Variants in SLC2A13 observed in about 807,000 individuals in gnomAD.
SLC2A13 encodes proton myo-inositol cotransporter.
In SLC2A13, 32 loss-of-function variants were observed where a neutral mutation model predicts 64.4. That is an observed-to-expected ratio of 0.50 (90% confidence interval 0.37 to 0.67). SLC2A13 has a LOEUF of 0.67. Among genes scored for constraint, SLC2A13 ranks in the 30% least tolerant of loss-of-function variants. The pLI is 0.00. For missense variants in SLC2A13, 743 were observed against 829.2 expected (o/e 0.90, Z 1.28); for synonymous variants, 338 against 327.1 (o/e 1.03, Z -0.36).
chr12:39,989,101 C>T (rs1947087027), intron 3 of SLC2A13, among the ~76,000 whole-genome samples: 1 of 152,132 alleles, frequency 6.6e-6, no homozygotes, highest in Non-Finnish European at 1.5e-5. Context: ...CCTTCAGTGG[C>T]TTCCCTTCTC....
chr12:39,819,608 T>A (rs1203009821), intron 7 of SLC2A13: 1 of 151,958 alleles, frequency 6.6e-6, no homozygotes, highest in Non-Finnish European at 1.5e-5. Context: ...ACACTGCAAA[T>A]ACTTTTTTTT....
chr12:39,817,039 A>G (rs1303423506), intron 7 of SLC2A13, among the ~76,000 whole-genome samples: 1 of 151,202 alleles, frequency 6.6e-6, no homozygotes, highest in African/African-American at 2.4e-5. Flanking sequence ...CCTTGAGGGA[A>G]AAAAAAAATA....
chr12:40,006,991 T>G (rs570302903), intron 3 of SLC2A13, among the ~76,000 whole-genome samples: 1 of 152,368 alleles, frequency 6.6e-6, no homozygotes, highest in South Asian at 2.1e-4. Context: ...AATGGGTCAC[T>G]AATCAGTTTA....
chr12:40,039,349 G>A (rs1243536043), intron 2 of SLC2A13, among the ~76,000 whole-genome samples: 1 of 152,098 alleles, frequency 6.6e-6, no homozygotes, highest in Non-Finnish European at 1.5e-5. Flanking sequence ...AGACAATGTA[G>A]ATCTGTGCCA....
chr12:40,072,245 T>C (rs1937988661), intron 1 of SLC2A13, among the ~76,000 whole-genome samples: 1 of 152,134 alleles, frequency 6.6e-6, no homozygotes, highest in South Asian at 2.1e-4. Flanking sequence ...TTTAATTCCA[T>C]TGTAGCCTAA....
intron 7 of SLC2A13, among the ~76,000 whole-genome samples, chr12:39,768,516 A>C (rs1257222510): frequency 6.6e-6 from 1 of 152,098 alleles, no homozygotes; most frequent in Non-Finnish European, 1.5e-5. Context: ...GAGTCGTGCT[A>C]CTATTCCTAT....
chr12:39,999,296 G>A (rs28740219), intron 3 of SLC2A13, among the ~76,000 whole-genome samples: 1,620 of 152,274 alleles, frequency 0.011, 31 homozygotes, highest in African/African-American at 0.037. Context: ...CTGACTGCCC[G>A]CGGGGTCAGG....
At chr12:39,966,506 T>C (rs748569780) in intron 3 of SLC2A13, among the ~76,000 whole-genome samples, 38 of 152,068 alleles carry the variant, frequency 2.5e-4, no homozygotes, top group Non-Finnish European at 4.6e-4. Context: ...TAGAAGTGAG[T>C]TCCACATGTT....
At chr12:39,793,743 C>T (rs541461507) in intron 7 of SLC2A13, among the ~76,000 whole-genome samples, 1 of 152,224 alleles carries the variant, frequency 6.6e-6, no homozygotes, top group Non-Finnish European at 1.5e-5. Flanking sequence ...TATTCATGCA[C>T]CTGCTTTTCC....
intron 7 of SLC2A13, among the ~76,000 whole-genome samples, chr12:39,815,643 A>G (rs79067806): frequency 0.015 from 2,295 of 152,314 alleles, 25 homozygotes; most frequent in Middle Eastern, 0.024. Context: ...TAATGCAATA[A>G]TTATTGGTTA....
chr12:39,843,743 C>T (rs1349877371), intron 6 of SLC2A13, among the ~76,000 whole-genome samples: 6 of 152,034 alleles, frequency 3.9e-5, no homozygotes, highest in Non-Finnish European at 8.8e-5. Flanking sequence ...GGCTCTATTA[C>T]TTTGGATATC....
At position 40,028,419 on chromosome 12, in the gene SLC2A13, T is replaced by C; in HGVS notation, c.807A>G (p.Lys269=). Residue 269 remains lysine (K), a synonymous_variant, in exon 3 of 10, where the codon AAA becomes AAG. Coordinates refer to ENST00000280871, the MANE Select transcript of SLC2A13 (RefSeq NM_052885.4). Reference sequence around the variant, plus strand: ...TTCTACGGGCCTTCTGAGTCTGTCCTTTCTGAATAAGCCATCGAGGGCTTT... The same window carrying C: ...TTCTACGGGCCTTCTGAGTCTGTCCCTTCTGAATAAGCCATCGAGGGCTTT... The part of the protein sequence containing the change: ...LPESPRWLIQ[K]GQTQKARRIL... The C allele has an allele frequency of 1.2e-6, 2 of 1,614,128 alleles. No homozygotes were observed. Among genetic ancestry groups the C allele is most frequent in the South Asian group, 2.2e-5 (2 of 91,078 alleles).
intron 5 of SLC2A13, among the ~76,000 whole-genome samples, chr12:39,866,532 G>C (rs1943915410): frequency 6.6e-6 from 1 of 151,954 alleles, no homozygotes; most frequent in Admixed American, 6.6e-5. Flanking sequence ...TGGTTGGAGT[G>C]CAGTGGCGCG....
intron 7 of SLC2A13, among the ~76,000 whole-genome samples, chr12:39,786,062 G>A (rs1250582877): frequency 6.6e-6 from 1 of 152,124 alleles, no homozygotes; most frequent in Non-Finnish European, 1.5e-5. Flanking sequence ...GAATTTGCAG[G>A]ACTGTTGGGA....
In SLC2A13 at chr12:40,092,577, A is replaced by G. The variant is rs148292753; in HGVS notation, c.556+12676T>C. ...TAAATTTATAATCAGACCATAATGA[A>G]AAATAAAATGTGTCTTATTTTTTGA... On this transcript the variant is annotated intron_variant, in intron 1 of 9. Coordinates refer to ENST00000280871, the MANE Select transcript of SLC2A13 (RefSeq NM_052885.4). 9.8e-5 allele frequency among the ~76,000 whole-genome samples: 15 copies of G among 152,316 alleles called. No homozygotes were observed. In the East Asian group the frequency reaches 2.9e-3, roughly 29 times the overall value.
At chr12:39,912,026 A>G (rs1945440345) in intron 4 of SLC2A13, among the ~76,000 whole-genome samples, 1 of 152,030 alleles carries the variant, frequency 6.6e-6, no homozygotes, top group Non-Finnish European at 1.5e-5. Context: ...GGCTGGAAGT[A>G]GGTGCTGAAC....
intron 4 of SLC2A13, among the ~76,000 whole-genome samples, chr12:39,906,245 A>G (rs1945277341): frequency 6.6e-6 from 1 of 152,108 alleles, no homozygotes; most frequent in African/African-American, 2.4e-5. Flanking sequence ...TTAGGAAAGA[A>G]ATTGAGGCTA....
chr12:40,095,452 T>C (rs1368662553), intron 1 of SLC2A13, among the ~76,000 whole-genome samples: 2 of 152,232 alleles, frequency 1.3e-5, no homozygotes, highest in Non-Finnish European at 2.9e-5. Context: ...AATCAATAGG[T>C]CCATACAAGT....
chr12:39,940,130 C>T (rs971053982), intron 4 of SLC2A13, among the ~76,000 whole-genome samples: 2 of 152,106 alleles, frequency 1.3e-5, no homozygotes, highest in African/African-American at 4.8e-5. Context: ...ATTCACTAAT[C>T]TGGAAATACT....
Sources: allele counts gnomAD v4.1 joint callset (sites outside exome capture counted in the v4.1 genomes callset), GRCh38; gene constraint gnomAD v4.1.1; transcripts MANE v1.5; gene names NCBI Gene and HGNC (gene_info 2026-07-23, HGNC 2026-07-21).